Variants in NUP210 observed in about 807,000 individuals in gnomAD.
NUP210 encodes the protein nuclear pore membrane glycoprotein 210.
In NUP210, 151 loss-of-function variants were observed where a neutral mutation model predicts 196.0. The ratio of observed to expected loss-of-function variants is 0.77; its 90% confidence interval spans 0.67 to 0.88. NUP210 has a LOEUF of 0.88. NUP210 is among the 40% of genes least tolerant of loss of function. The pLI, the probability that NUP210 is intolerant of heterozygous loss-of-function variation, is 0.00. For missense variants in NUP210, 2,314 were observed against 2,493.7 expected (o/e 0.93, Z 1.53); for synonymous variants, 1,070 against 1,052.7 (o/e 1.02, Z -0.32).
At position 13,350,437 on chromosome 3, in the gene NUP210, AAAAACAAAACAAAACAAAAC is replaced by A. The variant is rs139729376; in HGVS notation, c.2835+1422_2835+1441del. Among the ~76,000 whole-genome samples, 31 of 145,304 alleles carry A rather than the reference AAAAACAAAACAAAACAAAAC, an allele frequency of 2.1e-4. No individual in the cohort carries two copies. The highest frequency in any genetic ancestry group is 7.1e-4 in the African/African-American group (28 of 39,426). On this transcript the variant is annotated intron_variant, in intron 20 of 39. Transcript: ENST00000254508. This position sits in a 1 kb window ranked among gnomAD's most constrained non-coding sequence, Gnocchi z 4.1. ...AGTTTCCAACAATTATAGGACATGA[AAAAACAAAACAAAACAAAAC>A]AAAACAAAACAAAACAAAACAAAAA...
intron 3 of NUP210, 48 bp from the exon 4 acceptor site, chr3:13,391,355 A>G (rs763924837): frequency 7.6e-7 from 1 of 1,310,196 alleles, no homozygotes; most frequent in Non-Finnish European, 1.1e-6. Flanking sequence ...TTAATTTCCC[A>G]GGGTGGAGGG....
rs755687667 is a variant in NUP210, at chr3:13,340,043, G to T, written c.3292-10C>A. The T allele has an allele frequency of 1.3e-5, 21 of 1,612,286 alleles. No individual in the cohort carries two copies. The highest frequency in any genetic ancestry group is 1.7e-5 in the Non-Finnish European group (20 of 1,178,976). ...CGCCCTCGGAGGTGACCTGAGCGGGGAGGAAACAGCGGCGTGTCAGTGCCC... is the reference window on the plus strand; with the variant it reads ...CGCCCTCGGAGGTGACCTGAGCGGGTAGGAAACAGCGGCGTGTCAGTGCCC... On this transcript the variant is annotated splice_polypyrimidine_tract_variant and intron_variant, in intron 24 of 39. Transcript: ENST00000254508. The surrounding 1 kb of genome is among the most constrained non-coding windows in gnomAD (Gnocchi z 4.0).
At chr3:13,359,933 C>T (rs557485191) in intron 15 of NUP210, among the ~76,000 whole-genome samples, 2 of 152,352 alleles carry the variant, frequency 1.3e-5, no homozygotes, top group East Asian at 3.9e-4. Flanking sequence ...CATTCATTTA[C>T]GACCCTGGAG....
Position 13,327,283 on chromosome 3 carries a change from C to T in NUP210, c.4441G>A (p.Glu1481Lys). The part of the protein sequence containing the change: ...PLPVLQAISP[E>K]LSGAMVVGDV... Reference sequence around the variant, plus strand: ...CCCACCACCATGGCCCCAGACAGCTCTGGGGAGATGGCCTGTAGGACAGGC... The same window carrying T: ...CCCACCACCATGGCCCCAGACAGCTTTGGGGAGATGGCCTGTAGGACAGGC... Residue 1481 changes from glutamate to lysine, a missense_variant, in exon 32 of 40, where the codon GAG becomes AAG. Glu to Lys is a moderately conservative substitution (Grantham distance 56). Transcript: ENST00000254508. 6.2e-7 allele frequency: 1 copy of T among 1,613,480 alleles called. No homozygotes were observed. Among genetic ancestry groups the T allele is most frequent in the Non-Finnish European group, 8.5e-7 (1 of 1,180,016 alleles).
intron 4 of NUP210, among the ~76,000 whole-genome samples, 155 bp from the exon 5 acceptor site, chr3:13,388,608 C>A (rs553957691): frequency 6.6e-6 from 1 of 152,260 alleles, no homozygotes; most frequent in Non-Finnish European, 1.5e-5. Flanking sequence ...CCTAGAGACA[C>A]GGCCCTGCAG....
At chr3:13,357,270 C>T (rs939753307) in intron 16 of NUP210, among the ~76,000 whole-genome samples, 3 of 152,324 alleles carry the variant, frequency 2.0e-5, no homozygotes, top group African/African-American at 4.8e-5. Flanking sequence ...AGTTCCACAG[C>T]GTTAGATAGC....
chr3:13,331,073 T>C (rs1696978559), intron 29 of NUP210, among the ~76,000 whole-genome samples: 1 of 152,200 alleles, frequency 6.6e-6, no homozygotes, highest in African/African-American at 2.4e-5. Flanking sequence ...GGTCCCAACA[T>C]GTCCTGCCAC....
chr3:13,381,202 C>T (rs1699086747), intron 6 of NUP210, among the ~76,000 whole-genome samples: 1 of 152,200 alleles, frequency 6.6e-6, no homozygotes, highest in Non-Finnish European at 1.5e-5. Flanking sequence ...AATGAAGCAA[C>T]ATTACTTTAT....
At chr3:13,353,286 T>G (rs1271775543) in intron 18 of NUP210, among the ~76,000 whole-genome samples, 6 of 152,138 alleles carry the variant, frequency 3.9e-5, no homozygotes, top group African/African-American at 1.4e-4. Flanking sequence ...GACCTAAGTT[T>G]CCTTGTGGCT....
chr3:13,348,870 A>G lies in NUP210; in HGVS notation c.2835+3009T>C. 5 of 985,072 alleles carry G rather than the reference A, an allele frequency of 5.1e-6. No homozygotes were observed. The highest frequency in any genetic ancestry group is 6.0e-6 in the Non-Finnish European group (5 of 829,884). 61.0% of individuals were successfully genotyped at this position (985,072 alleles called of 1,614,324 possible). A position where few individuals can be genotyped will look rare whatever the true frequency, so the allele number is the denominator to read the frequency against. On this transcript the variant is annotated intron_variant, in intron 20 of 39. Coordinates refer to ENST00000254508, the MANE Select transcript of NUP210 (RefSeq NM_024923.4). This position sits in a 1 kb window ranked among gnomAD's most constrained non-coding sequence, Gnocchi z 4.0. Reference sequence around the variant, plus strand: ...ACGCTGAAGGAAGGTTTTCGAAAACACCCCAAACACCAAACAAAAAAACTG... The same window carrying G: ...ACGCTGAAGGAAGGTTTTCGAAAACGCCCCAAACACCAAACAAAAAAACTG...
chr3:13,334,497 T>C (rs1040261437), intron 28 of NUP210, among the ~76,000 whole-genome samples: 32 of 152,282 alleles, frequency 2.1e-4, no homozygotes, highest in Admixed American at 1.2e-3. Context: ...TGTTTCTTTC[T>C]TGAAAAGTTT....
intron 1 of NUP210, among the ~76,000 whole-genome samples, chr3:13,406,489 A>G (rs1700006352): frequency 6.6e-6 from 1 of 152,188 alleles, no homozygotes; most frequent in African/African-American, 2.4e-5. Flanking sequence ...CCGGGTCTGG[A>G]GACACAGCAC....
intron 2 of NUP210, 150 bp from the exon 3 acceptor site, chr3:13,397,638 A>G: frequency 1.3e-6 from 1 of 740,972 alleles, no homozygotes; most frequent in South Asian, 2.6e-5. Flanking sequence ...ACATGGCCCC[A>G]CTGACAGTTA....
intron 3 of NUP210, among the ~76,000 whole-genome samples, chr3:13,392,821 G>A (rs1699534268): frequency 6.6e-6 from 1 of 152,208 alleles, no homozygotes; most frequent in Admixed American, 6.5e-5. Flanking sequence ...AGTGTGCTCA[G>A]TGAGGGGAGC....
intron 2 of NUP210, 30 bp downstream of exon 2, chr3:13,399,695 C>G (rs372788480): frequency 3.8e-5 from 62 of 1,613,392 alleles, no homozygotes; most frequent in Non-Finnish European, 5.1e-5. Flanking sequence ...TGGCTCCCAC[C>G]GGGGATCACA....
At chr3:13,373,659 G>C in intron 12 of NUP210, 59 bp downstream of exon 12, 1 of 1,575,018 alleles carries the variant, frequency 6.3e-7, no homozygotes, top group Non-Finnish European at 8.7e-7. Flanking sequence ...TGCTCAGAGG[G>C]GGCGGCTGGA....
chr3:13,340,415 T>G lies in NUP210; in HGVS notation c.3229-117A>C. On this transcript the variant is annotated intron_variant, in intron 23 of 39. Coordinates refer to ENST00000254508, the MANE Select transcript of NUP210 (RefSeq NM_024923.4). This position sits in a 1 kb window ranked among gnomAD's most constrained non-coding sequence, Gnocchi z 4.0. Reference sequence around the variant, plus strand: ...ACCTGGGACATGGACATCACTTCTCTCTGAGCAGTGACCAGAGGGCCCAGG... The same window carrying G: ...ACCTGGGACATGGACATCACTTCTCGCTGAGCAGTGACCAGAGGGCCCAGG... 1 of 893,766 alleles carries G rather than the reference T, an allele frequency of 1.1e-6. No individual in the cohort carries two copies. The highest frequency in any genetic ancestry group is 1.8e-6 in the Non-Finnish European group (1 of 560,534). The allele number at this position is 893,766 out of a possible 1,614,324, so 55.4% of individuals were successfully genotyped here.
chr3:13,394,645 T>C (rs1699594735), intron 3 of NUP210, among the ~76,000 whole-genome samples: 1 of 152,198 alleles, frequency 6.6e-6, no homozygotes, highest in East Asian at 1.9e-4. Flanking sequence ...TCCTCATCTA[T>C]ATAGTGGGCA....
chr3:13,384,088 G>C (rs1699191917), intron 6 of NUP210, among the ~76,000 whole-genome samples: 1 of 152,142 alleles, frequency 6.6e-6, no homozygotes, highest in South Asian at 2.1e-4. Flanking sequence ...TCAGCCTCTT[G>C]AGTAGCTGGG....
Sources: allele counts gnomAD v4.1 joint callset (sites outside exome capture counted in the v4.1 genomes callset), GRCh38; gene constraint gnomAD v4.1.1; non-coding constraint Gnocchi (gnomAD v3.1); transcripts MANE v1.5; gene names NCBI Gene and HGNC (gene_info 2026-07-23, HGNC 2026-07-21).